The following VEPH1 variants were observed in gnomAD, a reference collection of about 807,000 sequenced individuals.
The protein encoded by VEPH1 is ventricular zone-expressed PH domain-containing protein homolog 1.
VEPH1 carries 80 observed loss-of-function variants against 85.2 expected under a neutral mutation model. The observed-to-expected ratio is 0.94, with a 90% CI of 0.78 to 1.13. The LOEUF (loss-of-function observed/expected upper bound fraction) is 1.13. VEPH1 is among the 50% of genes most tolerant of loss of function. The probability of loss-of-function intolerance (pLI) is 0.00; values close to 1 mark genes in which losing one functional copy is unlikely to be tolerated. For synonymous variants in VEPH1, 297 were observed against 348.0 expected, an observed-to-expected ratio of 0.85 and a Z score of 1.63; for missense variants, 955 against 980.5, an observed-to-expected ratio of 0.97 and a Z score of 0.35.
rs114362550 is a variant in VEPH1 at position 157,485,010 on chromosome 3, T to C, written c.138+10202A>G. On this transcript the variant is annotated intron_variant, in intron 2 of 13. Coordinates refer to ENST00000362010, the MANE Select transcript of VEPH1 (RefSeq NM_001167912.2). ...TAATAGGTAGGTGATCTTTTACCAA[T>C]ATCTCAGTAACAAAAACTATATTCT... Among the ~76,000 whole-genome samples the C allele has an allele frequency of 8.9e-3, 1,354 of 152,326 alleles. 18 individuals are homozygous for C. Among genetic ancestry groups the C allele is most frequent in the African/African-American group, 0.031 (1,272 of 41,572 alleles).
At chr3:157,337,229 C>T (rs756459518) in intron 9 of VEPH1, among the ~76,000 whole-genome samples, 24 of 150,764 alleles carry the variant, frequency 1.6e-4, no homozygotes, top group South Asian at 2.1e-4. Context: ...TATAGCAGTG[C>T]GATAAATGTT....
At chr3:157,310,984 A>G (rs1399823386) in intron 11 of VEPH1, among the ~76,000 whole-genome samples, 1 of 152,178 alleles carries the variant, frequency 6.6e-6, no homozygotes, top group Non-Finnish European at 1.5e-5. Context: ...TAGTTCCGCC[A>G]CTGACCTTCA....
At chr3:157,468,088 T>C (rs185258677) in intron 3 of VEPH1, among the ~76,000 whole-genome samples, 70 of 152,320 alleles carry the variant, frequency 4.6e-4, no homozygotes, top group African/African-American at 1.6e-3. Flanking sequence ...ATTTCACAAA[T>C]CTGTACTTTT....
chr3:157,326,839 G>T (rs969606165), intron 9 of VEPH1, among the ~76,000 whole-genome samples: 2 of 152,132 alleles, frequency 1.3e-5, no homozygotes, highest in African/African-American at 4.8e-5. Context: ...ACCAACACAG[G>T]GTAGCCAACT....
chr3:157,408,153 A>G (rs1042239034), intron 6 of VEPH1, among the ~76,000 whole-genome samples: 2 of 152,158 alleles, frequency 1.3e-5, no homozygotes, highest in Admixed American at 6.5e-5. Flanking sequence ...CAGCCTGCTG[A>G]GGCCTCGTAT....
intron 11 of VEPH1, among the ~76,000 whole-genome samples, chr3:157,288,548 T>C (rs1053321808): frequency 6.6e-6 from 1 of 152,136 alleles, no homozygotes; most frequent in Non-Finnish European, 1.5e-5. Flanking sequence ...GCATCATTAA[T>C]GGATTAGCAT....
Position 157,286,542 on chromosome 3 carries a change from G to A in VEPH1, c.2128+15C>T, listed in dbSNP as rs2108371821. 1 of 1,605,086 alleles carries A rather than the reference G, an allele frequency of 6.2e-7. No homozygotes were observed. The highest frequency in any genetic ancestry group is 8.5e-7 in the Non-Finnish European group (1 of 1,171,886). On this transcript the variant is annotated intron_variant, in intron 12 of 13. Coordinates refer to ENST00000362010, the MANE Select transcript of VEPH1 (RefSeq NM_001167912.2). Reference sequence around the variant, plus strand: ...GGGCACAAATGGTTCTTAGCAGCAGGTAAGGGTCTCTCACCAGTTGCTTTC... The same window carrying A: ...GGGCACAAATGGTTCTTAGCAGCAGATAAGGGTCTCTCACCAGTTGCTTTC...
chr3:157,424,784 A>G (rs1157274734), intron 5 of VEPH1, among the ~76,000 whole-genome samples: 2 of 152,336 alleles, frequency 1.3e-5, no homozygotes, highest in East Asian at 3.9e-4. Flanking sequence ...GGGTGCTGTT[A>G]AGGACATTCA....
chr3:157,363,202 GAAAAAAAA>G, intron 9 of VEPH1, 154 bp downstream of exon 9: 2 of 465,784 alleles, frequency 4.3e-6, no homozygotes, highest in Non-Finnish European at 6.7e-6. Flanking sequence ...CTTTTCTTGG[GAAAAAAAA>G]AAAAAAAACT....
intron 6 of VEPH1, among the ~76,000 whole-genome samples, chr3:157,406,300 G>A (rs1409274363): frequency 6.6e-6 from 1 of 152,020 alleles, no homozygotes; most frequent in Non-Finnish European, 1.5e-5. Context: ...CTTGTAGAAC[G>A]GACCCCAGAT....
chr3:157,437,136 T>C (rs766697383), intron 4 of VEPH1: 434 of 1,551,896 alleles, frequency 2.8e-4, no homozygotes, highest in Non-Finnish European at 3.7e-4. Flanking sequence ...AACACACATA[T>C]ACTTTGTGGC....
Position 157,265,617 on chromosome 3 carries a change from TC to T in VEPH1, c.2173del (p.Glu725ArgfsTer40). On this transcript the variant is annotated frameshift_variant, in exon 13 of 14. Coordinates refer to ENST00000362010, the MANE Select transcript of VEPH1 (RefSeq NM_001167912.2). LOFTEE classifies it high-confidence loss of function. ...GATGAACTTCCATCTGACTTGCTTCTCTTTAAGTTTTCCTTCTATGAGAGGC... is the reference window on the plus strand; with the variant it reads ...GATGAACTTCCATCTGACTTGCTTCTTTTAAGTTTTCCTTCTATGAGAGGC... Reference protein sequence around the residue: ...GQPLIEGKLKEKQVRWKFIKR... With the variant: ...GQPLIEGKLKXKQVRWKFIKR... 14 of 1,613,800 alleles carry T rather than the reference TC, an allele frequency of 8.7e-6. No individual in the cohort carries two copies. Among genetic ancestry groups the T allele is most frequent in the Non-Finnish European group, 1.2e-5 (14 of 1,179,786 alleles).
chr3:157,364,437 G>T lies in VEPH1; in HGVS notation c.1203C>A (p.Asp401Glu). Residue 401 changes from aspartate to glutamate, a missense_variant, in exon 8 of 14, where the codon GAC becomes GAA. Transcript: ENST00000362010. ...GGATTTTAACTTGGAGTTTTTCATG[G>T]TCTTCATTTTCAGTTACTATGAGCT... ...ETKLIVTENE[D>E]HEKLQVKIQA... 9 of 1,613,930 alleles carry T rather than the reference G, an allele frequency of 5.6e-6. No homozygotes were observed. Among genetic ancestry groups the T allele is most frequent in the Non-Finnish European group, 7.6e-6 (9 of 1,179,920 alleles).
chr3:157,384,993 G>C (rs1001367128), intron 6 of VEPH1, among the ~76,000 whole-genome samples: 1 of 152,070 alleles, frequency 6.6e-6, no homozygotes, highest in Non-Finnish European at 1.5e-5. Flanking sequence ...AACAAAAATA[G>C]CTGGCCCAGA....
chr3:157,347,201 A>C (rs1224732673), intron 9 of VEPH1, among the ~76,000 whole-genome samples: 1 of 144,106 alleles, frequency 6.9e-6, no homozygotes, highest in Non-Finnish European at 1.5e-5. Context: ...AAAAACCAAC[A>C]AAAAAAAAAC....
At chr3:157,373,735 G>C (rs1727768140) in intron 7 of VEPH1, among the ~76,000 whole-genome samples, 1 of 152,174 alleles carries the variant, frequency 6.6e-6, no homozygotes, top group Admixed American at 6.5e-5. Flanking sequence ...TGCTTGAAAT[G>C]GGAAGCCAGC....
chr3:157,498,233 C>T (rs759078692), intron 1 of VEPH1, among the ~76,000 whole-genome samples: 7 of 152,150 alleles, frequency 4.6e-5, no homozygotes, highest in Non-Finnish European at 7.3e-5. Flanking sequence ...AGCTATTCAG[C>T]GATTATAGGA....
intron 11 of VEPH1, among the ~76,000 whole-genome samples, chr3:157,307,446 G>T (rs550017268): frequency 5.2e-4 from 79 of 151,990 alleles, no homozygotes; most frequent in African/African-American, 1.9e-3. Flanking sequence ...TGTCTGTGAA[G>T]GATCTACTTT....
intron 2 of VEPH1, among the ~76,000 whole-genome samples, chr3:157,479,441 C>T (rs1361132124): frequency 6.6e-6 from 1 of 152,190 alleles, no homozygotes; most frequent in African/African-American, 2.4e-5. Context: ...TCCGCTTCAG[C>T]ATTCATTAAC....
Sources: gnomAD v4.1 joint callset for allele counts (sites outside exome capture counted in the v4.1 genomes callset) on GRCh38, gnomAD v4.1.1 for gene constraint, MANE v1.5 for transcripts, NCBI Gene and HGNC (gene_info 2026-07-23, HGNC 2026-07-21) for gene names.